RPS6KA2: variants seen among roughly 807,000 people sequenced by gnomAD.
RPS6KA2 encodes the protein ribosomal protein S6 kinase alpha-2.
Under a neutral mutation model 91.8 loss-of-function variants are expected in RPS6KA2, and 42 were observed. The ratio of observed to expected loss-of-function variants is 0.46; its 90% CI spans 0.36 to 0.59. The LOEUF (loss-of-function observed/expected upper bound fraction) is 0.59. RPS6KA2 is among the 20% of genes least tolerant of loss of function. The probability of loss-of-function intolerance (pLI) is 0.00; values close to 1 mark genes in which losing one functional copy is unlikely to be tolerated. For synonymous variants in RPS6KA2, 414 were observed against 393.6 expected (o/e 1.05, Z -0.61); for missense variants, 798 against 978.5 (o/e 0.82, Z 2.46).
chr6:166,757,643 G>A (rs971350590), intron 2 of RPS6KA2: 11 of 455,896 alleles, frequency 2.4e-5, no homozygotes, highest in Middle Eastern at 6.5e-4. Context: ...CAGGGCAGCC[G>A]CCACTCCTTT....
chr6:166,516,235 C>T (rs1162804508), intron 3 of RPS6KA2, among the ~76,000 whole-genome samples: 1 of 152,242 alleles, frequency 6.6e-6, no homozygotes, highest in Non-Finnish European at 1.5e-5. Context: ...CCAATAGCTA[C>T]AGCCAGTGTG....
intron 2 of RPS6KA2, among the ~76,000 whole-genome samples, chr6:166,684,928 A>G (rs1366220115): frequency 6.6e-6 from 1 of 152,280 alleles, no homozygotes; most frequent in Non-Finnish European, 1.5e-5. Flanking sequence ...ACATTGTGCC[A>G]GAGGAGGAGC....
intron 10 of RPS6KA2, among the ~76,000 whole-genome samples, chr6:166,473,872 T>G (rs957388284): frequency 1.3e-5 from 2 of 152,016 alleles, no homozygotes; most frequent in African/African-American, 4.8e-5. Context: ...ATCATTGACT[T>G]AAATACTAGG....
intron 1 of RPS6KA2, among the ~76,000 whole-genome samples, chr6:166,580,489 A>G (rs1784970578): frequency 6.6e-6 from 1 of 152,260 alleles, no homozygotes; most frequent in Admixed American, 6.5e-5. Flanking sequence ...TAAGAAAAGA[A>G]AGGTGAGTGC....
At chr6:166,755,342 G>A (rs966661216) in intron 2 of RPS6KA2, among the ~76,000 whole-genome samples, 1 of 152,068 alleles carries the variant, frequency 6.6e-6, no homozygotes, top group Non-Finnish European at 1.5e-5. Flanking sequence ...GATGCATTGG[G>A]CCTCCTAGAT....
In RPS6KA2 at chr6:166,554,775, A is replaced by G. The variant is rs1784130381; in HGVS notation, c.100-15991T>C. ...CATCCCTAGGAAAGGCCTACTTATG[A>G]TGAGAATTCTGATGTCAATGTGAGG... is the stretch of plus-strand genomic sequence containing the variant. On this transcript the variant is annotated intron_variant, in intron 1 of 20. Coordinates refer to ENST00000265678, the MANE Select transcript of RPS6KA2 (RefSeq NM_021135.6). This position sits in a 1 kb window ranked among gnomAD's most constrained non-coding sequence, Gnocchi z 4.3. Among the ~76,000 whole-genome samples the G allele has an allele frequency of 1.3e-5, 2 of 152,210 alleles. No homozygotes were observed. The highest frequency in any genetic ancestry group is 4.8e-5 in the African/African-American group (2 of 41,446).
At chr6:166,426,949 T>A (rs1365717855) in intron 16 of RPS6KA2, among the ~76,000 whole-genome samples, 1 of 150,138 alleles carries the variant, frequency 6.7e-6, no homozygotes, top group Non-Finnish European at 1.5e-5. Context: ...TAACTCATTT[T>A]ATGAGGCCAG....
chr6:166,599,096 C>T (rs755642727), intron 1 of RPS6KA2, among the ~76,000 whole-genome samples: 2 of 152,214 alleles, frequency 1.3e-5, no homozygotes, highest in African/African-American at 2.4e-5. Context: ...TCACCTGGTG[C>T]GTGCCATATG....
At chr6:166,656,970 C>CA (rs1582992169) in intron 2 of RPS6KA2, among the ~76,000 whole-genome samples, 2 of 152,240 alleles carry the variant, frequency 1.3e-5, no homozygotes, top group African/African-American at 4.8e-5. Context: ...CTTGGGGCCC[C>CA]AAGCCTAGAA....
chr6:166,551,277 T>C (rs1001968919), intron 1 of RPS6KA2, among the ~76,000 whole-genome samples: 5 of 152,330 alleles, frequency 3.3e-5, no homozygotes, highest in South Asian at 2.1e-4. Flanking sequence ...AATGAGATAA[T>C]TGGGGCAATG....
At position 166,432,571 on chromosome 6, in the gene RPS6KA2, G is replaced by A. The variant is rs879184743; in HGVS notation, c.1333-81C>T. ...ATCTGCTGGTGGACCATTGAGTTTG[G>A]ATAAAGTCTGGCCCCAGGTGGCCCA... On this transcript the variant is annotated intron_variant, in intron 14 of 20. Coordinates refer to ENST00000265678, the MANE Select transcript of RPS6KA2 (RefSeq NM_021135.6). 4 of 835,682 alleles carry A rather than the reference G, an allele frequency of 4.8e-6. No homozygotes were observed. The Admixed American group carries it at 8.7e-5, about 18-fold the overall frequency. 51.8% of individuals were successfully genotyped at this position (835,682 alleles called of 1,614,324 possible). A position where few individuals can be genotyped will look rare whatever the true frequency, so the allele number is the denominator to read the frequency against.
At chr6:166,674,202 A>C (rs1788557581) in intron 2 of RPS6KA2, among the ~76,000 whole-genome samples, 1 of 152,276 alleles carries the variant, frequency 6.6e-6, no homozygotes, top group Non-Finnish European at 1.5e-5. Flanking sequence ...TTATTTTTAA[A>C]AAGGAAAGCA....
intron 1 of RPS6KA2, among the ~76,000 whole-genome samples, chr6:166,568,609 A>G (rs1784577702): frequency 7.7e-6 from 1 of 130,112 alleles, no homozygotes; most frequent in East Asian, 2.5e-4. Context: ...ACAAGAGCAA[A>G]ACTCCATCTC....
At chr6:166,856,826 G>T (rs939563204) in intron 2 of RPS6KA2, among the ~76,000 whole-genome samples, 33 of 152,326 alleles carry the variant, frequency 2.2e-4, no homozygotes, top group Middle Eastern at 6.8e-3. Flanking sequence ...ATTTTCAGGA[G>T]AGTCACTGCC....
At chr6:166,840,237 T>A (rs1780433105) in intron 2 of RPS6KA2, among the ~76,000 whole-genome samples, 1 of 152,084 alleles carries the variant, frequency 6.6e-6, no homozygotes, top group African/African-American at 2.4e-5. Context: ...GGGCACCAAG[T>A]TCCTGCAAAG....
At chr6:166,515,372 A>G (rs977075090) in intron 3 of RPS6KA2, among the ~76,000 whole-genome samples, 3 of 152,210 alleles carry the variant, frequency 2.0e-5, no homozygotes, top group Non-Finnish European at 4.4e-5. Flanking sequence ...GGGTGAGTGA[A>G]GTCAGCATCT....
Position 166,635,173 on chromosome 6 carries a change from G to A in RPS6KA2, c.124-96389C>T, listed in dbSNP as rs753378135. Among the ~76,000 whole-genome samples the A allele has an allele frequency of 1.1e-4, 16 of 152,302 alleles. No individual in the cohort carries two copies. Among genetic ancestry groups the A allele is most frequent in the Non-Finnish European group, 1.0e-4 (7 of 68,026 alleles). On this transcript the variant is annotated intron_variant, in intron 2 of 21. Coordinates refer to the RPS6KA2 transcript ENST00000503859. The surrounding 1 kb of genome is among the most constrained non-coding windows in gnomAD (Gnocchi z 4.8). ...TAATTATCAATCACTTCTCTCCCAC[G>A]TACACCTTGGCATGAATGAGTTAGA...
At chr6:166,617,460 T>C (rs551076783) in intron 1 of RPS6KA2, among the ~76,000 whole-genome samples, 18 of 152,208 alleles carry the variant, frequency 1.2e-4, no homozygotes, top group Non-Finnish European at 2.1e-4. Context: ...ATTAGACATT[T>C]TTTCTACAGA....
upstream of RPS6KA2, among the ~76,000 whole-genome samples, chr6:166,629,463 T>G (rs1323549906): frequency 6.6e-6 from 1 of 152,278 alleles, no homozygotes; most frequent in African/African-American, 2.4e-5. Flanking sequence ...TTCACTGGAA[T>G]TCATTGCTAG....
Sources: allele counts gnomAD v4.1 joint callset (sites outside exome capture counted in the v4.1 genomes callset), GRCh38; gene constraint gnomAD v4.1.1; non-coding constraint Gnocchi (gnomAD v3.1); transcripts MANE v1.5; gene names NCBI Gene and HGNC (gene_info 2026-07-23, HGNC 2026-07-21).